The following VRK2 variants were observed in gnomAD, a reference collection of about 807,000 sequenced individuals.
VRK2 encodes the protein serine/threonine-protein kinase VRK2.
VRK2 carries 60 observed loss-of-function variants against 57.6 expected under a neutral mutation model. That is an observed-to-expected ratio of 1.04 (90% CI 0.85 to 1.29). The LOEUF is 1.29. Ranked by LOEUF, VRK2 falls within the 50% of genes most tolerant of loss-of-function variation. VRK2 has a pLI of 0.00. For missense variants in VRK2, 705 were observed against 588.1 expected, an observed-to-expected ratio of 1.20 and a Z score of -2.06; for synonymous variants, 231 against 199.2, an observed-to-expected ratio of 1.16 and a Z score of -1.35.
intron 7 of VRK2, among the ~76,000 whole-genome samples, chr2:58,095,901 T>C (rs1343847264): frequency 6.6e-6 from 1 of 152,138 alleles, no homozygotes; most frequent in Non-Finnish European, 1.5e-5. Flanking sequence ...TTTGTGTATA[T>C]GTTTGTGAAT....
At chr2:58,099,887 G>T (rs998411436) in intron 7 of VRK2, among the ~76,000 whole-genome samples, 1 of 151,998 alleles carries the variant, frequency 6.6e-6, no homozygotes, top group African/African-American at 2.4e-5. Flanking sequence ...GATCTCAAAG[G>T]TTCCTTCTAG....
intron 7 of VRK2, among the ~76,000 whole-genome samples, chr2:58,090,108 C>A (rs1672160626): frequency 6.7e-6 from 1 of 149,636 alleles, no homozygotes; most frequent in African/African-American, 2.4e-5. Flanking sequence ...AAGTTTTAAG[C>A]AGAGAGGCCG....
intron 1 of VRK2, among the ~76,000 whole-genome samples, chr2:58,012,470 GT>G (rs888275725): frequency 6.6e-6 from 1 of 151,964 alleles, no homozygotes. Context: ...TGTTCAAGAG[GT>G]TTTTTTTAAG....
chr2:58,102,378 T>C (rs1674098654), intron 7 of VRK2, among the ~76,000 whole-genome samples: 1 of 150,822 alleles, frequency 6.6e-6, no homozygotes, highest in African/African-American at 2.4e-5. Flanking sequence ...GTAAAGACAC[T>C]TATAGATTGA....
intron 1 of VRK2, among the ~76,000 whole-genome samples, chr2:57,921,447 C>G (rs1670345876): frequency 6.6e-6 from 1 of 151,690 alleles, no homozygotes; most frequent in Non-Finnish European, 1.5e-5. Context: ...TGTGGATCCT[C>G]CTGGGGATTG....
At chr2:57,919,329 T>A (rs1166895815) in intron 1 of VRK2, among the ~76,000 whole-genome samples, 1 of 152,098 alleles carries the variant, frequency 6.6e-6, no homozygotes. Context: ...ATATAAACAA[T>A]ATTTCTCTTA....
chr2:58,137,220 A>ATATATGATAGATG (rs1680590146), intron 10 of VRK2, among the ~76,000 whole-genome samples: 1 of 48,102 alleles, frequency 2.1e-5, no homozygotes, highest in African/African-American at 1.7e-4. Context: ...TGATACATAT[A>ATATATGATAGATG]TATCATATGA....
chr2:57,949,921 G>A (rs1158186971), intron 1 of VRK2, among the ~76,000 whole-genome samples: 1 of 152,178 alleles, frequency 6.6e-6, no homozygotes, highest in Non-Finnish European at 1.5e-5. Context: ...TGAGTGGTCT[G>A]GATAGAAAAT....
At chr2:58,113,919 C>T (rs536434028) in intron 7 of VRK2, among the ~76,000 whole-genome samples, 27 of 151,894 alleles carry the variant, frequency 1.8e-4, no homozygotes, top group South Asian at 4.2e-4. Context: ...AGTGTTGGGG[C>T]GGCGAAAATT....
intron 1 of VRK2, among the ~76,000 whole-genome samples, chr2:58,015,730 G>A (rs1388749885): frequency 4.0e-5 from 6 of 151,352 alleles, no homozygotes; most frequent in African/African-American, 1.2e-4. Flanking sequence ...TTTTTTTTTG[G>A]CTAAAATTTT....
intron 11 of VRK2, among the ~76,000 whole-genome samples, chr2:58,145,320 G>A (rs1031927090): frequency 3.9e-5 from 6 of 151,902 alleles, no homozygotes; most frequent in Non-Finnish European, 5.9e-5. Context: ...CACAGTATTC[G>A]ATGACATGAA....
chr2:58,123,854 A>G lies in VRK2; in HGVS notation c.676+621A>G, dbSNP rs79972225. On this transcript the variant is annotated intron_variant, in intron 8 of 12. Coordinates refer to ENST00000340157, the MANE Select transcript of VRK2 (RefSeq NM_006296.7). ...TGGGCGACAGAGCAAGACCCCTCAG[A>G]AAAAAAAAAAAAAGTTGCACATACG... 5.7e-4 allele frequency among the ~76,000 whole-genome samples: 79 copies of G among 138,602 alleles called. 2 individuals carry two copies. In the East Asian group the frequency reaches 0.015, roughly 26 times the overall value. The allele number at this position is 138,602 out of a possible 152,430, so 90.9% of individuals were successfully genotyped here. A position where few individuals can be genotyped will look rare whatever the true frequency, so the allele number is the denominator to read the frequency against.
intron 1 of VRK2, among the ~76,000 whole-genome samples, chr2:57,999,820 G>T (rs754929621): frequency 3.9e-5 from 6 of 152,096 alleles, no homozygotes; most frequent in Admixed American, 6.6e-5. Flanking sequence ...GAGTCCTTAA[G>T]CACTTATGAC....
intron 1 of VRK2, among the ~76,000 whole-genome samples, chr2:57,989,489 G>A (rs1403392495): frequency 5.3e-5 from 8 of 152,080 alleles, no homozygotes; most frequent in African/African-American, 1.7e-4. Flanking sequence ...TTTAATTGGT[G>A]ATCATATGAC....
Position 58,158,887 on chromosome 2 carries a change from CTG to C in VRK2, c.1183-458_1183-457del, listed in dbSNP as rs1388569746. Among the ~76,000 whole-genome samples, 2 of 152,098 alleles carry C rather than the reference CTG, an allele frequency of 1.3e-5. 1 individual carries two copies. The highest frequency in any genetic ancestry group is 1.3e-4 in the Admixed American group (2 of 15,258). On this transcript the variant is annotated intron_variant, in intron 12 of 12. Transcript: ENST00000340157. ...CTACCCCTGAGGCAGTTTTCTTTGGCTGTGTACAGCCTCATCCTTTGCCCACT... is the reference window on the plus strand; with the variant it reads ...CTACCCCTGAGGCAGTTTTCTTTGGCTGTACAGCCTCATCCTTTGCCCACT...
intron 1 of VRK2, among the ~76,000 whole-genome samples, chr2:57,914,864 A>G (rs1031273223): frequency 6.6e-6 from 1 of 152,158 alleles, no homozygotes; most frequent in East Asian, 1.9e-4. Flanking sequence ...TAACCATTTT[A>G]AAAAGTCTGG....
intron 1 of VRK2, among the ~76,000 whole-genome samples, chr2:57,939,879 G>A (rs1162773467): frequency 2.0e-5 from 3 of 152,042 alleles, no homozygotes; most frequent in Admixed American, 2.0e-4. Flanking sequence ...GCCTTTTATT[G>A]GGTATTGATA....
chr2:58,147,985 C>G (rs988271448), intron 12 of VRK2, among the ~76,000 whole-genome samples: 13 of 151,784 alleles, frequency 8.6e-5, no homozygotes, highest in African/African-American at 2.7e-4. Flanking sequence ...CATTTCTGGC[C>G]ACCATGAATA....
intron 1 of VRK2, among the ~76,000 whole-genome samples, chr2:57,961,615 C>T (rs1299558510): frequency 8.7e-6 from 1 of 114,738 alleles, no homozygotes; most frequent in African/African-American, 3.9e-5. Flanking sequence ...CTGTCTCCCA[C>T]TGTACCCACC....
Sources: gnomAD v4.1 joint callset for allele counts (sites outside exome capture counted in the v4.1 genomes callset) on GRCh38, gnomAD v4.1.1 for gene constraint, MANE v1.5 for transcripts, NCBI Gene and HGNC (gene_info 2026-07-23, HGNC 2026-07-21) for gene names.